CSMD3: variants seen among roughly 807,000 people sequenced by gnomAD.
The protein encoded by CSMD3 is CUB and sushi domain-containing protein 3.
CSMD3 carries 177 observed loss-of-function variants against 435.2 expected under a neutral mutation model. The observed-to-expected ratio is 0.41, with a 90% CI of 0.36 to 0.46. The LOEUF (loss-of-function observed/expected upper bound fraction) is 0.46, where lower values mean the gene tolerates loss of function less well. CSMD3 is among the 20% of genes least tolerant of loss of function. The pLI is 0.34. For missense variants in CSMD3, 4,265 were observed against 4,504.6 expected (o/e 0.95, Z 1.52); for synonymous variants, 1,656 against 1,520.5 (o/e 1.09, Z -2.07).
rs750618214 is a variant in CSMD3 at position 112,313,920 on chromosome 8, C to A, written c.7682G>T (p.Arg2561Leu). ...ADHGNNKKGF[R>L]IRYIAFYCST... is the part of the protein sequence containing the mutation. ...GTTTTACATACCTATATATCTTATC[C>A]GGAAGCCTTTTTTGTTATTGCCATG... The change falls in exon 49 of 71, where the codon CGG becomes CTG. Residue 2561 changes from arginine (R) to leucine (L), a missense_variant. Physicochemically the swap from Arg to Leu is moderately radical, Grantham distance 102. Transcript: ENST00000297405. 6 of 1,610,948 alleles carry A rather than the reference C, an allele frequency of 3.7e-6. No homozygotes were observed. Among genetic ancestry groups the A allele is most frequent in the South Asian group, 1.1e-5 (1 of 91,012 alleles).
chr8:112,621,853 T>C (rs759883251), intron 22 of CSMD3, among the ~76,000 whole-genome samples: 9 of 152,180 alleles, frequency 5.9e-5, no homozygotes, highest in Non-Finnish European at 1.0e-4. Context: ...TAATATCCTG[T>C]AACTTTTTCT....
At chr8:112,598,878 T>C (rs1354787897) in intron 22 of CSMD3, among the ~76,000 whole-genome samples, 2 of 152,120 alleles carry the variant, frequency 1.3e-5, no homozygotes, top group Non-Finnish European at 2.9e-5. Context: ...TCAAGATGGA[T>C]TAAAGACTTA....
rs71309794 is a variant in CSMD3, at chr8:112,899,599, TTATATATATATA to T, written c.1633+22016_1633+22027del. ...TAACCCAAAATTTTGCTTGTCTATT[TTATATATATATA>T]TATATATATATATATATATATGTAT... On this transcript the variant is annotated intron_variant, in intron 10 of 70. Coordinates refer to ENST00000297405, the MANE Select transcript of CSMD3 (RefSeq NM_198123.2). Among the ~76,000 whole-genome samples, 298 of 100,012 alleles carry T rather than the reference TTATATATATATA, an allele frequency of 3.0e-3. 3 individuals are homozygous for T. The highest frequency in any genetic ancestry group is 9.9e-3 in the African/African-American group (267 of 27,036). The allele number at this position is 100,012 out of a possible 152,430, so 65.6% of individuals were successfully genotyped here.
At chr8:112,432,096 C>T (rs1586303507) in intron 32 of CSMD3, among the ~76,000 whole-genome samples, 1 of 151,620 alleles carries the variant, frequency 6.6e-6, no homozygotes, top group East Asian at 1.9e-4. Context: ...CAAATACCTC[C>T]TACAGGTGAA....
At chr8:112,904,966 C>A (rs1168179462) in intron 10 of CSMD3, among the ~76,000 whole-genome samples, 1 of 151,236 alleles carries the variant, frequency 6.6e-6, no homozygotes, top group Admixed American at 6.6e-5. Flanking sequence ...AGTTAGGATT[C>A]CTGTTGATAA....
At chr8:113,420,792 T>C (rs1295336459) in intron 1 of CSMD3, among the ~76,000 whole-genome samples, 1 of 151,424 alleles carries the variant, frequency 6.6e-6, no homozygotes, top group East Asian at 1.9e-4. Context: ...TACTAAAAAA[T>C]AAAAAAATTA....
At chr8:113,258,647 T>C (rs975750050) in intron 3 of CSMD3, among the ~76,000 whole-genome samples, 1 of 152,094 alleles carries the variant, frequency 6.6e-6, no homozygotes, top group African/African-American at 2.4e-5. Context: ...AAGTTTCCCA[T>C]CCTGGAGATG....
chr8:113,342,395 C>T lies in CSMD3; in HGVS notation c.179-27602G>A, dbSNP rs11995029. Among the ~76,000 whole-genome samples the T allele has an allele frequency of 7.7e-3, 1,174 of 152,206 alleles. 19 individuals are homozygous for T. Among genetic ancestry groups the T allele is most frequent in the African/African-American group, 0.027 (1,124 of 41,562 alleles). On this transcript the variant is annotated intron_variant, in intron 1 of 70. Transcript: ENST00000297405. Reference sequence around the variant, plus strand: ...AATCCTGAAAGCTGAATTATTTCTACAGCGCTATTTGCAGACTAATAAGCA... The same window carrying T: ...AATCCTGAAAGCTGAATTATTTCTATAGCGCTATTTGCAGACTAATAAGCA...
At chr8:113,402,153 C>T (rs938248) in intron 1 of CSMD3, among the ~76,000 whole-genome samples, 69,711 of 150,804 alleles carry the variant, frequency 0.46, 16,434 homozygotes, top group African/African-American at 0.53. Context: ...TCTTTTGAGT[C>T]ACTATCTTAA....
intron 6 of CSMD3, among the ~76,000 whole-genome samples, chr8:112,990,191 T>C (rs1208424377): frequency 6.6e-6 from 1 of 151,928 alleles, no homozygotes; most frequent in Admixed American, 6.6e-5. Flanking sequence ...TACAGCCACG[T>C]AAGGAAGTAT....
At chr8:112,381,406 CAA>C (rs1343852293) in intron 37 of CSMD3, among the ~76,000 whole-genome samples, 1 of 152,084 alleles carries the variant, frequency 6.6e-6, no homozygotes, top group Non-Finnish European at 1.5e-5. Context: ...TGCTATTGAG[CAA>C]AGAGTTTAAG....
intron 9 of CSMD3, among the ~76,000 whole-genome samples, chr8:112,946,551 A>G (rs1312247798): frequency 2.0e-5 from 3 of 151,744 alleles, no homozygotes; most frequent in African/African-American, 7.2e-5. Context: ...GTAAGTGCTT[A>G]TAAGATTGTA....
chr8:112,780,191 A>T (rs964364000), intron 13 of CSMD3, among the ~76,000 whole-genome samples: 7 of 152,068 alleles, frequency 4.6e-5, no homozygotes, highest in African/African-American at 1.7e-4. Flanking sequence ...CCCTGGCGCC[A>T]TGTAGAAACG....
At chr8:113,026,745 A>C (rs745914230) in intron 5 of CSMD3, among the ~76,000 whole-genome samples, 3 of 152,054 alleles carry the variant, frequency 2.0e-5, no homozygotes, top group Non-Finnish European at 2.9e-5. Context: ...ATTATTATTA[A>C]ATGTTTTAGT....
chr8:112,997,392 A>G (rs916496179), intron 6 of CSMD3, among the ~76,000 whole-genome samples: 2 of 151,704 alleles, frequency 1.3e-5, no homozygotes, highest in Non-Finnish European at 1.5e-5. Context: ...TTTATAATGT[A>G]CATTAATTAT....
Position 112,856,084 on chromosome 8 carries a change from C to T in CSMD3, c.1755+3061G>A, listed in dbSNP as rs1249375276. ...AATGTGTACCTTAATGCAAGAAGAA[C>T]AATTAATTCAAAGACTAGGTATGTT... is the stretch of plus-strand genomic sequence containing the variant. On this transcript the variant is annotated intron_variant, in intron 11 of 70. Coordinates refer to ENST00000297405, the MANE Select transcript of CSMD3 (RefSeq NM_198123.2). Among the ~76,000 whole-genome samples the T allele has an allele frequency of 4.6e-5, 7 of 151,818 alleles. No individual in the cohort carries two copies. The East Asian group carries it at 1.2e-3, about 25-fold the overall frequency.
intron 1 of CSMD3, among the ~76,000 whole-genome samples, chr8:113,346,449 C>T (rs2094151716): frequency 6.6e-6 from 1 of 152,084 alleles, no homozygotes; most frequent in African/African-American, 2.4e-5. Context: ...GATTCTTTGT[C>T]ATAATTCAAA....
chr8:112,837,591 G>A (rs2080064232), intron 11 of CSMD3, among the ~76,000 whole-genome samples: 1 of 151,760 alleles, frequency 6.6e-6, no homozygotes, highest in African/African-American at 2.4e-5. Context: ...TTGATATATA[G>A]TAGGACCTCA....
At chr8:113,195,470 G>A (rs550750846) in intron 3 of CSMD3, among the ~76,000 whole-genome samples, 2 of 150,780 alleles carry the variant, frequency 1.3e-5, no homozygotes, top group Admixed American at 1.3e-4. Flanking sequence ...GAATGCCAGA[G>A]AAAATACAAG....
Sources: gnomAD v4.1 joint callset for allele counts (sites outside exome capture counted in the v4.1 genomes callset) on GRCh38, gnomAD v4.1.1 for gene constraint, MANE v1.5 for transcripts, NCBI Gene and HGNC (gene_info 2026-07-23, HGNC 2026-07-21) for gene names.